PIN4: variants seen among roughly 807,000 people sequenced by gnomAD.
PIN4 encodes peptidyl-prolyl cis-trans isomerase NIMA-interacting 4.
In PIN4, 3 loss-of-function variants were observed where a neutral mutation model predicts 8.3. The ratio of observed to expected loss-of-function variants is 0.36; its 90% CI spans 0.16 to 0.93. The LOEUF (loss-of-function observed/expected upper bound fraction) is 0.93. Ranked by LOEUF, PIN4 falls within the 40% of genes least tolerant of loss-of-function variation. The pLI is 0.44. For synonymous variants in PIN4, 18 were observed against 32.5 expected, an observed-to-expected ratio of 0.55 and a Z score of 1.52; for missense variants, 75 against 100.6, an observed-to-expected ratio of 0.75 and a Z score of 1.09.
intron 3 of PIN4, chrX:72,204,737 AG>A (rs2042805598): frequency 1.0e-5 from 2 of 194,563 alleles, no homozygotes; most frequent in East Asian, 2.1e-4. Flanking sequence ...AGTAAAATTA[AG>A]AATGACCAGA....
At chrX:72,183,896 G>A (rs753898014) in intron 1 of PIN4, among the ~76,000 whole-genome samples, 3 of 111,106 alleles carry the variant, frequency 2.7e-5, no homozygotes, top group Non-Finnish European at 5.7e-5. Flanking sequence ...TAGGAAAGGA[G>A]ATGGAGGGGC....
intron 3 of PIN4, chrX:72,197,124 G>A: frequency 2.2e-6 from 1 of 455,583 alleles, no homozygotes; most frequent in Non-Finnish European, 3.7e-6. Context: ...GGTCATCTAT[G>A]TCAAAACCTA....
intron 3 of PIN4, among the ~76,000 whole-genome samples, chrX:72,246,997 TTGGATGGATGGA>T (rs755032602): frequency 1.8e-5 from 2 of 111,604 alleles, no homozygotes; most frequent in South Asian, 7.5e-4. Flanking sequence ...TAAATAGTTG[TTGGATGGATGGA>T]TGGATGGATG....
intron 3 of PIN4, among the ~76,000 whole-genome samples, chrX:72,259,639 G>T (rs907926431): frequency 9.1e-6 from 1 of 109,472 alleles, no homozygotes; most frequent in East Asian, 3.0e-4. Context: ...GAGAATCAGG[G>T]GTGTGAATTG....
At chrX:72,185,155 A>AAAAAAAAAAC (rs2042694871) in intron 1 of PIN4, among the ~76,000 whole-genome samples, 2 of 103,802 alleles carry the variant, frequency 1.9e-5, no homozygotes, top group Non-Finnish European at 4.0e-5. Context: ...CTCAAAAAAA[A>AAAAAAAAAAC]AAAAAAAAAA....
At chrX:72,241,710 G>A (rs1219846327) in intron 3 of PIN4, among the ~76,000 whole-genome samples, 1 of 111,295 alleles carries the variant, frequency 9.0e-6, no homozygotes, top group African/African-American at 3.3e-5. Context: ...CAGCTACTTG[G>A]GAGGCTGAGG....
intron 3 of PIN4, among the ~76,000 whole-genome samples, chrX:72,227,258 A>T (rs191425011): frequency 8.9e-6 from 1 of 111,803 alleles, no homozygotes; most frequent in East Asian, 2.8e-4. Flanking sequence ...TTTCAATCCG[A>T]CAATGGTCCT....
At chrX:72,196,231 A>G (rs1237361051) in intron 2 of PIN4, among the ~76,000 whole-genome samples, 1 of 110,595 alleles carries the variant, frequency 9.0e-6, no homozygotes, top group Non-Finnish European at 1.9e-5. Flanking sequence ...ATGAAGGTAT[A>G]TGGTAAAAGA....
chrX:72,197,847 C>T lies in PIN4; in HGVS notation c.*321C>T. ...TCCCATAAATTAATTCAGAAACCAT[C>T]TTCAGGGGAAGCAGATATCAACTCA... is the stretch of plus-strand genomic sequence containing the variant. On this transcript the variant is annotated 3_prime_UTR_variant, in exon 4 of 4. Coordinates refer to ENST00000373669, the MANE Select transcript of PIN4 (RefSeq NM_006223.4). The T allele has an allele frequency of 1.3e-6, 1 of 775,344 alleles. No individual in the cohort carries two copies. The highest frequency in any genetic ancestry group is 1.5e-6 in the Non-Finnish European group (1 of 651,202). The allele number at this position is 775,344 out of a possible 1,213,427, so 63.9% of individuals were successfully genotyped here. A position where few individuals can be genotyped will look rare whatever the true frequency, so the allele number is the denominator to read the frequency against.
chrX:72,207,670 T>C, intron 3 of PIN4: 2 of 1,210,104 alleles, frequency 1.7e-6, no homozygotes, highest in Non-Finnish European at 2.2e-6. Context: ...AATAATTAAA[T>C]CATTTTTCCT....
intron 3 of PIN4, among the ~76,000 whole-genome samples, chrX:72,216,323 G>A (rs1034034162): frequency 9.0e-6 from 1 of 111,083 alleles, no homozygotes; most frequent in Non-Finnish European, 1.9e-5. Flanking sequence ...GCTTGGAACA[G>A]ATTATTTCTC....
At chrX:72,248,285 C>T in intron 3 of PIN4, among the ~76,000 whole-genome samples, 1 of 74,007 alleles carries the variant, frequency 1.4e-5, no homozygotes, top group East Asian at 3.7e-4. Context: ...TAGCTTGCTC[C>T]ATCCAGAAAA....
At chrX:72,200,096 G>A (rs1212613583), downstream of PIN4, among the ~76,000 whole-genome samples, 1 of 108,708 alleles carries the variant, frequency 9.2e-6, no homozygotes, top group African/African-American at 3.4e-5. Flanking sequence ...AACCTGGGAG[G>A]TGGAGGTTGC....
At chrX:72,243,528 G>A (rs2043057207) in intron 3 of PIN4, among the ~76,000 whole-genome samples, 1 of 111,792 alleles carries the variant, frequency 8.9e-6, no homozygotes, top group African/African-American at 3.2e-5. Context: ...TTGGCAAAAT[G>A]TTGATAATTG....
intron 1 of PIN4, among the ~76,000 whole-genome samples, chrX:72,183,349 G>A (rs1433084000): frequency 9.0e-6 from 1 of 111,547 alleles, no homozygotes; most frequent in Non-Finnish European, 1.9e-5. Context: ...TTTAGGAGTC[G>A]CTAACTTATA....
At chrX:72,246,345 C>T (rs2043067138) in intron 3 of PIN4, among the ~76,000 whole-genome samples, 2 of 111,904 alleles carry the variant, frequency 1.8e-5, no homozygotes, top group African/African-American at 6.5e-5. Context: ...TCTATGCCAC[C>T]ATTCTGTCTC....
chrX:72,256,669 G>T (rs1218033475), intron 3 of PIN4, among the ~76,000 whole-genome samples: 1 of 111,089 alleles, frequency 9.0e-6, no homozygotes, highest in East Asian at 2.8e-4. Flanking sequence ...TCAAAAGGGA[G>T]AAAAAAAACA....
chrX:72,182,498 C>T (rs1342657343), intron 1 of PIN4, among the ~76,000 whole-genome samples: 2 of 109,471 alleles, frequency 1.8e-5, no homozygotes, highest in African/African-American at 3.3e-5. Context: ...GAACCGAGAT[C>T]GCGCCACTGC....
At chrX:72,245,069 C>CAAAAAAAAAAAAA (rs35952560) in intron 3 of PIN4, among the ~76,000 whole-genome samples, 3 of 19,756 alleles carry the variant, frequency 1.5e-4, no homozygotes, top group African/African-American at 6.1e-4. Flanking sequence ...GAGATCCTGT[C>CAAAAAAAAAAAAA]AAAAAAAAAA....
Sources: allele counts gnomAD v4.1 joint callset (sites outside exome capture counted in the v4.1 genomes callset), GRCh38; gene constraint gnomAD v4.1.1; transcripts MANE v1.5; gene names NCBI Gene and HGNC (gene_info 2026-07-23, HGNC 2026-07-21).